FAT3: variants seen among roughly 807,000 people sequenced by gnomAD.
FAT3 encodes FAT atypical cadherin 3.
Under a neutral mutation model 310.2 loss-of-function variants are expected in FAT3, and 95 were observed. The observed-to-expected ratio is 0.31, with a 90% confidence interval of 0.26 to 0.36. The LOEUF is 0.36. Among genes scored for constraint, FAT3 ranks in the 10% least tolerant of loss-of-function variants. The pLI, the probability that FAT3 is intolerant of heterozygous loss-of-function variation, is 1.00. For synonymous variants in FAT3, 2,314 were observed against 2,192.9 expected (o/e 1.06, Z -1.54); for missense variants, 5,408 against 5,715.6 (o/e 0.95, Z 1.74).
intron 3 of FAT3, among the ~76,000 whole-genome samples, chr11:92,608,870 A>C (rs1451638526): frequency 6.6e-6 from 1 of 152,138 alleles, no homozygotes; most frequent in Non-Finnish European, 1.5e-5. Context: ...CTCCCTTTGC[A>C]GGGGCCTGCT....
At chr11:92,659,874 G>T (rs1043325219) in intron 3 of FAT3, among the ~76,000 whole-genome samples, 2 of 152,184 alleles carry the variant, frequency 1.3e-5, no homozygotes, top group Non-Finnish European at 2.9e-5. Flanking sequence ...CACCAACCCT[G>T]TGAATGTGTT....
rs189376642 is a variant in FAT3 at position 92,802,928 on chromosome 11, G to A, written c.8896+1019G>A. On this transcript the variant is annotated intron_variant, in intron 10 of 27. Transcript: ENST00000525166. ...TAGAGCAAATGTGTCAATGCTTGGG[G>A]TTGCCACACTTTTCAGCATGATTCC... is the stretch of plus-strand genomic sequence containing the variant. Among the ~76,000 whole-genome samples the A allele has an allele frequency of 2.3e-3, 345 of 152,192 alleles. 1 individual carries two copies. Among genetic ancestry groups the A allele is most frequent in the African/African-American group, 8.1e-3 (335 of 41,498 alleles).
intron 3 of FAT3, among the ~76,000 whole-genome samples, chr11:92,621,913 C>A (rs754041258): frequency 2.0e-5 from 3 of 152,118 alleles, no homozygotes; most frequent in Non-Finnish European, 4.4e-5. Context: ...GGCACAGTGG[C>A]TGTAGATAGT....
chr11:92,604,940 T>C (rs1225734327), intron 3 of FAT3, among the ~76,000 whole-genome samples: 12 of 152,234 alleles, frequency 7.9e-5, no homozygotes, highest in African/African-American at 2.9e-4. Flanking sequence ...TCTGTAAATA[T>C]AATGCCTTCT....
At chr11:92,239,518 A>G (rs1187167) in intron 1 of FAT3, among the ~76,000 whole-genome samples, 30,355 of 152,082 alleles carry the variant, frequency 0.2, 3,225 homozygotes, top group East Asian at 0.38. Flanking sequence ...TGGAAAAGTT[A>G]ACCAGTGCCC....
intron 4 of FAT3, among the ~76,000 whole-genome samples, chr11:92,742,616 G>T (rs908507704): frequency 2.0e-5 from 3 of 152,178 alleles, no homozygotes; most frequent in Non-Finnish European, 4.4e-5. Context: ...TCAGGAGTGG[G>T]TTCTGGATAA....
chr11:92,488,450 G>T (rs867852028), intron 2 of FAT3, among the ~76,000 whole-genome samples: 2 of 9,334 alleles, frequency 2.1e-4, no homozygotes, highest in Non-Finnish European at 3.2e-4. Flanking sequence ...AACTAGCACC[G>T]CCCCCCCCCC....
intron 1 of FAT3, among the ~76,000 whole-genome samples, chr11:92,264,806 T>G (rs1462347346): frequency 1.3e-5 from 2 of 152,126 alleles, no homozygotes; most frequent in Non-Finnish European, 2.9e-5. Context: ...CACTGACATC[T>G]TTTCTTTAGG....
intron 3 of FAT3, among the ~76,000 whole-genome samples, chr11:92,537,656 AG>A (rs1384052731): frequency 6.6e-6 from 1 of 151,954 alleles, no homozygotes; most frequent in African/African-American, 2.4e-5. Context: ...ACTGACAGAC[AG>A]ACAGACAACA....
In FAT3 at chr11:92,370,197, CT is replaced by C. The variant is rs1221410088; in HGVS notation, c.3292+14794del. Among the ~76,000 whole-genome samples the C allele has an allele frequency of 2.6e-5, 4 of 152,138 alleles. No homozygotes were observed. The East Asian group carries it at 5.8e-4, about 22-fold the overall frequency. On this transcript the variant is annotated intron_variant, in intron 2 of 27. Transcript: ENST00000525166. ...TACTATAAATAATCTAACTTATAAT[CT>C]CTATATTAGTAGCGTATCTTAGAAT... is the stretch of plus-strand genomic sequence containing the variant.
At chr11:92,233,286 G>A (rs751920146) in intron 1 of FAT3, among the ~76,000 whole-genome samples, 3 of 152,084 alleles carry the variant, frequency 2.0e-5, no homozygotes, top group Non-Finnish European at 4.4e-5. Context: ...CATCTTCATA[G>A]GTATGTTCTC....
intron 22 of FAT3, among the ~76,000 whole-genome samples, chr11:92,875,615 G>T (rs989194590): frequency 6.6e-6 from 1 of 152,056 alleles, no homozygotes; most frequent in African/African-American, 2.4e-5. Flanking sequence ...GCTGATGACT[G>T]CAGTGTAAGT....
intron 3 of FAT3, among the ~76,000 whole-genome samples, chr11:92,579,086 C>G (rs1338073672): frequency 2.0e-5 from 3 of 151,962 alleles, no homozygotes; most frequent in Non-Finnish European, 4.4e-5. Context: ...AGCTAAAATC[C>G]AGATTAATCT....
In FAT3 at chr11:92,667,655, G is replaced by C. The variant is rs137910369; in HGVS notation, c.3608-29729G>C. On this transcript the variant is annotated intron_variant, in intron 3 of 27. Coordinates refer to ENST00000525166, the MANE Select transcript of FAT3 (RefSeq NM_001367949.2). Reference sequence around the variant, plus strand: ...GCCCAAAGAATGTTGGCTCTTGCTGGGTCACTGATGTCATCCCTAGCAACA... The same window carrying C: ...GCCCAAAGAATGTTGGCTCTTGCTGCGTCACTGATGTCATCCCTAGCAACA... Among the ~76,000 whole-genome samples, 17 of 152,210 alleles carry C rather than the reference G, an allele frequency of 1.1e-4. No individual in the cohort carries two copies. In the East Asian group the frequency reaches 2.5e-3, roughly 23 times the overall value.
At chr11:92,543,216 G>A (rs1338528221) in intron 3 of FAT3, among the ~76,000 whole-genome samples, 1 of 152,064 alleles carries the variant, frequency 6.6e-6, no homozygotes, top group Non-Finnish European at 1.5e-5. Context: ...TAATCAACAT[G>A]TATAAAGTTA....
chr11:92,828,872 G>A (rs968933704), intron 13 of FAT3, among the ~76,000 whole-genome samples: 95 of 152,282 alleles, frequency 6.2e-4, no homozygotes, highest in African/African-American at 2.1e-3. Flanking sequence ...GAAGGCTGCA[G>A]GCCTGGAACA....
chr11:92,451,663 A>G (rs1385395601), intron 2 of FAT3, among the ~76,000 whole-genome samples: 1 of 152,178 alleles, frequency 6.6e-6, no homozygotes, highest in Non-Finnish European at 1.5e-5. Context: ...AGTAATGCAC[A>G]TTCCCTTTAT....
At position 92,306,120 on chromosome 11, in the gene FAT3, A is replaced by G. The variant is rs1947109828; in HGVS notation, c.-17-45976A>G. On this transcript the variant is annotated intron_variant, in intron 1 of 27. Coordinates refer to ENST00000525166, the MANE Select transcript of FAT3 (RefSeq NM_001367949.2). ...TTTAGGAGATATTATGCTTTATTGA[A>G]TTAATGGATTCATTAACTCCTTCAT... Among the ~76,000 whole-genome samples, 5 of 152,174 alleles carry G rather than the reference A, an allele frequency of 3.3e-5. No homozygotes were observed. In the South Asian group the frequency reaches 1.0e-3, roughly 32 times the overall value.
At chr11:92,699,860 G>A (rs1271804561) in intron 4 of FAT3, among the ~76,000 whole-genome samples, 1 of 152,104 alleles carries the variant, frequency 6.6e-6, no homozygotes, top group East Asian at 1.9e-4. Flanking sequence ...TGATTGTTGT[G>A]GTTTTAAGTA....
Sources: gnomAD v4.1 joint callset for allele counts (sites outside exome capture counted in the v4.1 genomes callset) on GRCh38, gnomAD v4.1.1 for gene constraint, MANE v1.5 for transcripts, NCBI Gene and HGNC (gene_info 2026-07-23, HGNC 2026-07-21) for gene names.